Variants in SNTG1 observed in about 807,000 individuals in gnomAD.
SNTG1 encodes the protein syntrophin gamma 1.
Under a neutral mutation model 74.7 loss-of-function variants are expected in SNTG1, and 39 were observed. The observed-to-expected ratio is 0.52, with a 90% CI of 0.40 to 0.68. The LOEUF is 0.68. Among genes scored for constraint, SNTG1 ranks in the 30% least tolerant of loss-of-function variants. The probability of loss-of-function intolerance (pLI) is 0.00; values close to 1 mark genes in which losing one functional copy is unlikely to be tolerated. For synonymous variants in SNTG1, 254 were observed against 217.1 expected (o/e 1.17, Z -1.49); for missense variants, 685 against 609.5 (o/e 1.12, Z -1.30).
chr8:50,148,119 G>A (rs1189773123), intron 1 of SNTG1, among the ~76,000 whole-genome samples: 2 of 151,918 alleles, frequency 1.3e-5, no homozygotes, highest in African/African-American at 4.8e-5. Context: ...TGTATACATA[G>A]ATATATATCC....
In SNTG1 at chr8:50,129,571, G is replaced by A. The variant is rs567711521; in HGVS notation, c.-102-42990G>A. On this transcript the variant is annotated intron_variant, in intron 1 of 18. Transcript: ENST00000642720. ...TTTTACCTACAGAGTTGCCCTCACA[G>A]GATCTGTGGGTTTGGATTCATACCG... Among the ~76,000 whole-genome samples the A allele has an allele frequency of 1.2e-4, 19 of 152,190 alleles. No individual in the cohort carries two copies. The South Asian group carries it at 3.9e-3, about 32-fold the overall frequency.
intron 13 of SNTG1, among the ~76,000 whole-genome samples, chr8:50,628,183 T>C (rs922844733): frequency 6.6e-6 from 1 of 152,212 alleles, no homozygotes; most frequent in Non-Finnish European, 1.5e-5. Context: ...ATGTTACATT[T>C]TGCTCTTTGG....
Position 50,770,596 on chromosome 8 carries a change from A to G in SNTG1, c.1395+18485A>G, listed in dbSNP as rs189730876. Among the ~76,000 whole-genome samples the G allele has an allele frequency of 8.9e-4, 136 of 152,174 alleles. 1 individual carries two copies. The highest frequency in any genetic ancestry group is 6.8e-3 in the Middle Eastern group (2 of 294). On this transcript the variant is annotated intron_variant, in intron 18 of 18. Transcript: ENST00000642720. ...CATCTGACCTATCTGGAAGCTTCCT[A>G]GAGAAGTCAATTTGCAGGCTGCTAT... is the stretch of plus-strand genomic sequence containing the variant.
chr8:50,195,667 G>T (rs1563724978), intron 2 of SNTG1, among the ~76,000 whole-genome samples: 1 of 152,148 alleles, frequency 6.6e-6, no homozygotes, highest in Non-Finnish European at 1.5e-5. Context: ...AATTGACTCA[G>T]CTCCAGGTAA....
At chr8:50,020,369 T>C (rs947592510) in intron 1 of SNTG1, among the ~76,000 whole-genome samples, 1 of 152,172 alleles carries the variant, frequency 6.6e-6, no homozygotes, top group Non-Finnish European at 1.5e-5. Flanking sequence ...CCTACACAGC[T>C]GCCAGGCTGC....
intron 1 of SNTG1, among the ~76,000 whole-genome samples, chr8:50,070,286 T>TA (rs1321887296): frequency 6.6e-6 from 1 of 152,116 alleles, no homozygotes; most frequent in African/African-American, 2.4e-5. Flanking sequence ...AAATCGAGAT[T>TA]AAAAAAATTG....
chr8:50,168,240 T>G (rs1448153961), intron 1 of SNTG1, among the ~76,000 whole-genome samples: 2 of 152,154 alleles, frequency 1.3e-5, no homozygotes, highest in Non-Finnish European at 2.9e-5. Flanking sequence ...ACTATTAATT[T>G]TATTGCTACA....
chr8:50,205,929 A>C (rs1007091699), intron 2 of SNTG1, among the ~76,000 whole-genome samples: 4 of 151,876 alleles, frequency 2.6e-5, no homozygotes, highest in Admixed American at 1.3e-4. Context: ...TGGTCTATAT[A>C]TCTGTTTTGG....
Position 50,613,421 on chromosome 8 carries a change from T to C in SNTG1, c.849+22504T>C, listed in dbSNP as rs76609437. On this transcript the variant is annotated intron_variant, in intron 13 of 18. Coordinates refer to ENST00000642720, the MANE Select transcript of SNTG1 (RefSeq NM_018967.5). ...GGGCAATGATAAATTGCAATAACAC[T>C]TTTGAAAATTCAAAAGAAATAATAT... is the stretch of plus-strand genomic sequence containing the variant. Among the ~76,000 whole-genome samples, 220 of 152,308 alleles carry C rather than the reference T, an allele frequency of 1.4e-3. 2 individuals are homozygous for C. In the East Asian group the frequency reaches 0.031, roughly 21 times the overall value.
intron 4 of SNTG1, among the ~76,000 whole-genome samples, chr8:50,416,661 G>C (rs1185760851): frequency 6.6e-6 from 1 of 152,094 alleles, no homozygotes; most frequent in East Asian, 1.9e-4. Flanking sequence ...AATGTTTGAA[G>C]TGTATTTGAG....
At chr8:50,501,611 A>ATTTTTTTTTT (rs57220646) in intron 8 of SNTG1, among the ~76,000 whole-genome samples, 111 of 133,822 alleles carry the variant, frequency 8.3e-4, no homozygotes, top group Non-Finnish European at 1.6e-3. Flanking sequence ...ATTTTTTTTT[A>ATTTTTTTTTT]TTTTTTTTTT....
chr8:50,034,865 A>G (rs1041473392), intron 1 of SNTG1, among the ~76,000 whole-genome samples: 3 of 152,082 alleles, frequency 2.0e-5, no homozygotes, highest in African/African-American at 4.8e-5. Context: ...AATTCACCTC[A>G]TTTTCTGAAA....
At chr8:50,099,834 G>GCAGTTTTTT (rs1414248772) in intron 1 of SNTG1, among the ~76,000 whole-genome samples, 1 of 151,964 alleles carries the variant, frequency 6.6e-6, no homozygotes, top group Non-Finnish European at 1.5e-5. Context: ...TGAATTATTT[G>GCAGTTTTTT]CAGTTTTTTT....
chr8:50,149,007 T>C (rs563592686), intron 1 of SNTG1, among the ~76,000 whole-genome samples: 16 of 152,296 alleles, frequency 1.1e-4, no homozygotes, highest in African/African-American at 1.7e-4. Flanking sequence ...TAGTTTACAG[T>C]CCCACCAACA....
chr8:50,604,848 A>G (rs1252275734), intron 13 of SNTG1, among the ~76,000 whole-genome samples: 1 of 152,156 alleles, frequency 6.6e-6, no homozygotes, highest in East Asian at 1.9e-4. Context: ...CTGGAAATGT[A>G]CTAGGTCTCA....
intron 2 of SNTG1, among the ~76,000 whole-genome samples, chr8:50,296,174 T>G (rs565238024): frequency 1.3e-5 from 2 of 152,026 alleles, no homozygotes; most frequent in Non-Finnish European, 2.9e-5. Context: ...AGGCTACAAT[T>G]GAAAAAACAA....
At chr8:50,763,561 T>A (rs897357209) in intron 18 of SNTG1, among the ~76,000 whole-genome samples, 1 of 151,360 alleles carries the variant, frequency 6.6e-6, no homozygotes, top group Admixed American at 6.6e-5. Context: ...AGTATTATAC[T>A]GTTTTAATTC....
At chr8:50,221,675 A>T (rs2085077116) in intron 2 of SNTG1, among the ~76,000 whole-genome samples, 1 of 152,108 alleles carries the variant, frequency 6.6e-6, no homozygotes. Context: ...TAAAAAATAT[A>T]TTTTTTATTG....
intron 9 of SNTG1, among the ~76,000 whole-genome samples, chr8:50,514,039 A>T: frequency 6.6e-6 from 1 of 151,980 alleles, no homozygotes; most frequent in East Asian, 1.9e-4. Flanking sequence ...AGCTGTTCCT[A>T]TTTGGCCATC....
Sources: gnomAD v4.1 joint callset for allele counts (sites outside exome capture counted in the v4.1 genomes callset) on GRCh38, gnomAD v4.1.1 for gene constraint, MANE v1.5 for transcripts, NCBI Gene and HGNC (gene_info 2026-07-23, HGNC 2026-07-21) for gene names.